STK3: variants seen among roughly 807,000 people sequenced by gnomAD.
STK3 encodes serine/threonine kinase 3, also known as serine/threonine-protein kinase 3.
In STK3, 41 loss-of-function variants were observed where a neutral mutation model predicts 58.0. The observed-to-expected ratio is 0.71, with a 90% CI of 0.55 to 0.92. The LOEUF (loss-of-function observed/expected upper bound fraction) is 0.92. Among genes scored for constraint, STK3 ranks in the 40% least tolerant of loss-of-function variants. The pLI, the probability that STK3 is intolerant of heterozygous loss-of-function variation, is 0.00. For synonymous variants in STK3, 170 were observed against 191.0 expected, an observed-to-expected ratio of 0.89 and a Z score of 0.91; for missense variants, 479 against 602.7, an observed-to-expected ratio of 0.79 and a Z score of 2.15.
At chr8:98,636,341 A>C (rs1362146803) in intron 6 of STK3, among the ~76,000 whole-genome samples, 2 of 152,168 alleles carry the variant, frequency 1.3e-5, no homozygotes, top group Non-Finnish European at 2.9e-5. Context: ...CTATTTAGAT[A>C]CTAGATTTTT....
At chr8:98,533,460 G>A (rs1170208877) in intron 9 of STK3, among the ~76,000 whole-genome samples, 1 of 152,058 alleles carries the variant, frequency 6.6e-6, no homozygotes, top group Non-Finnish European at 1.5e-5. Flanking sequence ...TTGTATGTAT[G>A]TATGTATGGA....
intron 6 of STK3, among the ~76,000 whole-genome samples, chr8:98,648,924 G>A (rs908176782): frequency 2.6e-5 from 4 of 151,078 alleles, no homozygotes; most frequent in Non-Finnish European, 4.4e-5. Context: ...GGGCATGGTG[G>A]CGGGCACCTG....
chr8:98,635,209 A>C (rs1819534294), intron 6 of STK3, among the ~76,000 whole-genome samples: 1 of 152,170 alleles, frequency 6.6e-6, no homozygotes, highest in African/African-American at 2.4e-5. Flanking sequence ...AGGCTGTCTC[A>C]GCACTATTGT....
intron 6 of STK3, among the ~76,000 whole-genome samples, chr8:98,624,427 C>G (rs1005440447): frequency 5.3e-5 from 8 of 151,976 alleles, no homozygotes; most frequent in African/African-American, 1.9e-4. Context: ...TTATGTAAAA[C>G]TTTATCATAG....
At position 98,801,866 on chromosome 8, in the gene STK3, T is replaced by C. The variant is rs530611717; in HGVS notation, c.26+23649A>G. Among the ~76,000 whole-genome samples the C allele has an allele frequency of 2.0e-4, 30 of 152,316 alleles. 1 individual carries two copies. The highest frequency in any genetic ancestry group is 7.2e-4 in the African/African-American group (30 of 41,564). On this transcript the variant is annotated intron_variant, in intron 1 of 10. Transcript: ENST00000419617. ...GCTTGTTGTATCTCATTTTTGTTGTTTCCTGTTCAATGTAAGAATTTCCAG... is the reference window on the plus strand; with the variant it reads ...GCTTGTTGTATCTCATTTTTGTTGTCTCCTGTTCAATGTAAGAATTTCCAG...
chr8:98,405,017 T>C (rs912121518), intron 3 of STK3, among the ~76,000 whole-genome samples: 3 of 152,168 alleles, frequency 2.0e-5, no homozygotes, highest in African/African-American at 7.2e-5. Context: ...CATTGTCCAA[T>C]CATGCCTCCA....
rs567294387 is a variant in STK3, at chr8:98,682,307, A to G, written c.684+24160T>C. ...GTACTAACTACATACAAGTCCTTAAAGATCATGATGCAACTTATTAACAGG... is the reference window on the plus strand; with the variant it reads ...GTACTAACTACATACAAGTCCTTAAGGATCATGATGCAACTTATTAACAGG... On this transcript the variant is annotated intron_variant, in intron 6 of 10. Coordinates refer to ENST00000419617, the MANE Select transcript of STK3 (RefSeq NM_006281.4). Among the ~76,000 whole-genome samples the G allele has an allele frequency of 3.6e-4, 55 of 152,344 alleles. 3 individuals are homozygous for G. The South Asian group carries it at 6.2e-3, about 17-fold the overall frequency.
At chr8:98,547,467 T>C (rs1810795257) in intron 9 of STK3, among the ~76,000 whole-genome samples, 1 of 152,194 alleles carries the variant, frequency 6.6e-6, no homozygotes, top group Non-Finnish European at 1.5e-5. Flanking sequence ...TAAGCAGCAG[T>C]AAATATTCAT....
intron 8 of STK3, among the ~76,000 whole-genome samples, chr8:98,569,432 G>A (rs1222086798): frequency 6.6e-6 from 1 of 151,878 alleles, no homozygotes; most frequent in East Asian, 1.9e-4. Flanking sequence ...TCCTAAAGAG[G>A]AATTAGTTCC....
intron 6 of STK3, chr8:98,602,333 T>C (rs1050993985): frequency 2.0e-5 from 3 of 152,212 alleles, no homozygotes; most frequent in African/African-American, 4.8e-5. Context: ...ATGGAATTAA[T>C]GCCCTCATAA....
At chr8:98,583,020 C>T (rs147639569) in intron 7 of STK3, among the ~76,000 whole-genome samples, 3 of 152,014 alleles carry the variant, frequency 2.0e-5, no homozygotes, top group African/African-American at 7.2e-5. Context: ...GTGACTCCAT[C>T]CTCATTTACT....
chr8:98,703,540 C>A (rs1825760817), intron 6 of STK3, among the ~76,000 whole-genome samples: 1 of 152,166 alleles, frequency 6.6e-6, no homozygotes, highest in African/African-American at 2.4e-5. Context: ...TAGGGTAGGG[C>A]TCCCCACATG....
chr8:98,563,546 C>T (rs944327301), intron 8 of STK3, among the ~76,000 whole-genome samples: 6 of 152,048 alleles, frequency 3.9e-5, no homozygotes, highest in African/African-American at 1.4e-4. Flanking sequence ...AAAAAGTCCC[C>T]CTGGAATCCA....
chr8:98,736,477 A>C (rs1212768681), intron 4 of STK3, among the ~76,000 whole-genome samples: 2 of 152,342 alleles, frequency 1.3e-5, no homozygotes, highest in East Asian at 3.9e-4. Flanking sequence ...GAAAGGAGGT[A>C]ATACATAAAC....
At chr8:98,709,751 A>G (rs1826249609) in intron 4 of STK3, among the ~76,000 whole-genome samples, 1 of 152,190 alleles carries the variant, frequency 6.6e-6, no homozygotes, top group Non-Finnish European at 1.5e-5. Flanking sequence ...TCTTTTCATA[A>G]AACACACAAC....
At chr8:98,783,694 T>A (rs561320833) in intron 1 of STK3, among the ~76,000 whole-genome samples, 1 of 152,230 alleles carries the variant, frequency 6.6e-6, no homozygotes, top group Non-Finnish European at 1.5e-5. Flanking sequence ...TACTCACAAG[T>A]AGAACTTTCA....
chr8:98,594,328 G>A (rs960082959), intron 7 of STK3, among the ~76,000 whole-genome samples: 2 of 151,912 alleles, frequency 1.3e-5, no homozygotes, highest in East Asian at 3.9e-4. Flanking sequence ...GGCCGGGCAC[G>A]GTGGCTCATG....
chr8:98,589,972 G>A (rs1486900476), intron 7 of STK3, among the ~76,000 whole-genome samples: 9 of 152,104 alleles, frequency 5.9e-5, no homozygotes, highest in Non-Finnish European at 7.4e-5. Context: ...CACGGTGCAC[G>A]CACCCACTGA....
chr8:98,741,279 C>A (rs1829182518), intron 4 of STK3, among the ~76,000 whole-genome samples: 1 of 152,196 alleles, frequency 6.6e-6, no homozygotes, highest in Non-Finnish European at 1.5e-5. Context: ...CACCCCAAAT[C>A]AACAGAATAT....
Sources: gnomAD v4.1 joint callset for allele counts (sites outside exome capture counted in the v4.1 genomes callset) on GRCh38, gnomAD v4.1.1 for gene constraint, MANE v1.5 for transcripts, NCBI Gene and HGNC (gene_info 2026-07-23, HGNC 2026-07-21) for gene names.